Variants in CTDP1 observed in about 807,000 individuals in gnomAD.
CTDP1 encodes CTD phosphatase 1.
CTDP1 carries 47 observed loss-of-function variants against 91.8 expected under a neutral mutation model. The observed-to-expected ratio is 0.51, with a 90% confidence interval of 0.41 to 0.65. The LOEUF (loss-of-function observed/expected upper bound fraction) is 0.65. Among genes scored for constraint, CTDP1 ranks in the 30% least tolerant of loss-of-function variants. The probability of loss-of-function intolerance (pLI) is 0.00; values close to 1 mark genes in which losing one functional copy is unlikely to be tolerated. For missense variants in CTDP1, 1,272 were observed against 1,373.7 expected (o/e 0.93, Z 1.17); for synonymous variants, 656 against 598.5 (o/e 1.10, Z -1.40).
intron 12 of CTDP1, among the ~76,000 whole-genome samples, chr18:79,750,705 G>A (rs1056251412): frequency 1.3e-5 from 2 of 148,470 alleles, no homozygotes; most frequent in Non-Finnish European, 3.0e-5. Flanking sequence ...GTGGAGATGG[G>A]GTTTCACCAT....
intron 10 of CTDP1, among the ~76,000 whole-genome samples, chr18:79,718,597 T>C (rs1457960360): frequency 6.6e-6 from 1 of 152,152 alleles, no homozygotes; most frequent in Non-Finnish European, 1.5e-5. Flanking sequence ...TTCCTGAGCA[T>C]GTGGCCTCTG....
chr18:79,695,430 C>T (rs888069786), intron 2 of CTDP1, 122 bp downstream of exon 2: 8 of 842,420 alleles, frequency 9.5e-6, no homozygotes, highest in Admixed American at 3.9e-5. Flanking sequence ...CAGATGCAGA[C>T]GCCTCCCTTG....
intron 11 of CTDP1, among the ~76,000 whole-genome samples, chr18:79,732,634 A>C (rs1301107726): frequency 2.7e-5 from 4 of 150,854 alleles, no homozygotes; most frequent in Non-Finnish European, 4.4e-5. Context: ...GAGTGCTCCC[A>C]AAATCACGTG....
chr18:79,712,556 G>A (rs978104104), intron 6 of CTDP1, among the ~76,000 whole-genome samples: 8 of 152,208 alleles, frequency 5.3e-5, no homozygotes, highest in African/African-American at 1.9e-4. Flanking sequence ...TGCTGGAATT[G>A]CAGGCATTAG....
intron 10 of CTDP1, among the ~76,000 whole-genome samples, chr18:79,727,482 G>T (rs891307909): frequency 1.3e-5 from 2 of 152,166 alleles, no homozygotes; most frequent in African/African-American, 4.8e-5. Context: ...CGGCTTTCGC[G>T]GGGTGGGAAG....
intron 12 of CTDP1, among the ~76,000 whole-genome samples, 186 bp downstream of exon 12, chr18:79,736,707 C>A (rs1337788352): frequency 2.0e-5 from 3 of 152,016 alleles, no homozygotes; most frequent in Non-Finnish European, 4.4e-5. Flanking sequence ...TGATCCATGT[C>A]ATCTTACATG....
intron 5 of CTDP1, among the ~76,000 whole-genome samples, chr18:79,705,584 G>A (rs1046127893): frequency 6.6e-6 from 1 of 151,696 alleles, no homozygotes; most frequent in East Asian, 1.9e-4. Context: ...CAAGGGGACA[G>A]TGCGGGACGG....
chr18:79,690,867 A>G (rs953797932), intron 1 of CTDP1, among the ~76,000 whole-genome samples: 1 of 152,226 alleles, frequency 6.6e-6, no homozygotes, highest in African/African-American at 2.4e-5. Context: ...CAACCGCAGT[A>G]CAGAAAATTA....
In CTDP1 at chr18:79,679,923, A is replaced by C. The variant is rs779694197; in HGVS notation, c.-25A>C. On this transcript the variant is annotated 5_prime_UTR_variant, in exon 1 of 13. Coordinates refer to ENST00000613122, the MANE Select transcript of CTDP1 (RefSeq NM_004715.5). ...TGAGCGCAGCGCAGGCCCCGTACCG[A>C]CCGCCCGCCCGCCCTCTGTCCGCGA... The C allele has an allele frequency of 1.7e-5, 23 of 1,369,952 alleles. No individual in the cohort carries two copies. Among genetic ancestry groups the C allele is most frequent in the Middle Eastern group, 2.7e-4 (1 of 3,662 alleles). 84.9% of individuals were successfully genotyped at this position (1,369,952 alleles called of 1,614,324 possible). A position where few individuals can be genotyped will look rare whatever the true frequency, so the allele number is the denominator to read the frequency against.
chr18:79,709,906 G>A lies in CTDP1; in HGVS notation c.773-440G>A, dbSNP rs143831569. 4.6e-3 allele frequency among the ~76,000 whole-genome samples: 697 copies of A among 152,276 alleles called. 8 individuals carry two copies. The highest frequency in any genetic ancestry group is 0.016 in the African/African-American group (665 of 41,540). On this transcript the variant is annotated intron_variant, in intron 5 of 12. Transcript: ENST00000613122. The stretch of plus-strand genomic sequence containing the variant: ...TACAGATGAGAGCAGTGGGCCACCC[G>A]CCTGGGGTTAGGAAAGATCATATCC...
At chr18:79,685,614 T>A (rs2085478890) in intron 1 of CTDP1, 1 of 152,216 alleles carries the variant, frequency 6.6e-6, no homozygotes, top group African/African-American at 2.4e-5. Context: ...ATTGCTGTCT[T>A]TATTGCTTTG....
chr18:79,694,393 G>A (rs62097720), intron 1 of CTDP1, among the ~76,000 whole-genome samples: 3 of 93,150 alleles, frequency 3.2e-5, no homozygotes, highest in Admixed American at 1.2e-4. Flanking sequence ...GGGCAGCCTC[G>A]TGTCCGCGGG....
chr18:79,677,046 C>A (rs2085264589), upstream of CTDP1, among the ~76,000 whole-genome samples: 1 of 152,176 alleles, frequency 6.6e-6, no homozygotes. Flanking sequence ...ATTTCAAAGT[C>A]CATACATAAC....
intron 6 of CTDP1, among the ~76,000 whole-genome samples, chr18:79,710,844 C>T (rs2086068636): frequency 6.6e-6 from 1 of 152,066 alleles, no homozygotes; most frequent in Non-Finnish European, 1.5e-5. Context: ...CTGCACCCGG[C>T]CTAGAGCAGT....
rs755974012 is a variant in CTDP1 at position 79,714,503 on chromosome 18, G to C, written c.1043G>C (p.Arg348Pro). The change falls in exon 8 of 13, where the codon CGA becomes CCA. Residue 348 changes from arginine (R) to proline (P), a missense_variant. By Grantham distance (103) the Arg-to-Pro change is moderately radical. Around this residue, in one of 3 missense-constraint regions of CTDP1, gnomAD observed 881 missense variants for 911.6 expected, o/e 0.97. Coordinates refer to ENST00000613122, the MANE Select transcript of CTDP1 (RefSeq NM_004715.5). Reference protein sequence around the residue: ...SQTRKKVNHSRGTEVSEPSPP... With the variant: ...SQTRKKVNHSPGTEVSEPSPP... ...CATGCATATTTAGTAAATCATTCTC[G>C]AGGCACTGAGGTCTCAGAGCCATCT... The C allele has an allele frequency of 3.1e-6, 5 of 1,613,038 alleles. No individual in the cohort carries two copies. Among genetic ancestry groups the C allele is most frequent in the South Asian group, 2.2e-5 (2 of 91,074 alleles).
At position 79,718,016 on chromosome 18, in the gene CTDP1, G is replaced by C; in HGVS notation, c.2417G>C (p.Arg806Thr). 1.9e-6 allele frequency: 3 copies of C among 1,612,928 alleles called. No individual in the cohort carries two copies. Among genetic ancestry groups the C allele is most frequent in the Non-Finnish European group, 2.5e-6 (3 of 1,179,836 alleles). Residue 806 changes from arginine to threonine, a missense_variant and splice_region_variant, in exon 10 of 13, where the codon AGA becomes ACA. Arg to Thr is a moderately conservative substitution (Grantham distance 71, BLOSUM62 -1). Around this residue, in one of 3 missense-constraint regions of CTDP1, gnomAD observed 881 missense variants for 911.6 expected, o/e 0.97. Coordinates refer to ENST00000613122, the MANE Select transcript of CTDP1 (RefSeq NM_004715.5). ...LPIRQEPSSF[R>T]AVPPPQPQMF... ...ATCCGCCAGGAGCCCTCTTCCTTCA[G>C]GTACGTGGCGGCCCAGCCACTGTCC...
chr18:79,696,522 T>G (rs1599214975), intron 3 of CTDP1, among the ~76,000 whole-genome samples: 9 of 149,524 alleles, frequency 6.0e-5, no homozygotes, highest in Admixed American at 1.3e-4. Flanking sequence ...TGGCCGGGGG[T>G]AGGGGCGGGG....
At chr18:79,700,609 C>A (rs534556863) in intron 4 of CTDP1, among the ~76,000 whole-genome samples, 1 of 152,188 alleles carries the variant, frequency 6.6e-6, no homozygotes, top group Non-Finnish European at 1.5e-5. Flanking sequence ...AGGAAGAAGC[C>A]GTCTCCGTAA....
At chr18:79,682,260 G>A (rs559094638) in intron 1 of CTDP1, among the ~76,000 whole-genome samples, 2 of 152,338 alleles carry the variant, frequency 1.3e-5, no homozygotes, top group African/African-American at 4.8e-5. Flanking sequence ...AATGCCTGCT[G>A]CACCTTTGTG....
Sources: gnomAD v4.1 joint callset for allele counts (sites outside exome capture counted in the v4.1 genomes callset) on GRCh38, gnomAD v4.1.1 for gene constraint, gnomAD v4.1.1 regional missense constraint, MANE v1.5 for transcripts, NCBI Gene and HGNC (gene_info 2026-07-23, HGNC 2026-07-21) for gene names.